The following BRIP1 variants were observed in gnomAD, a reference collection of about 807,000 sequenced individuals.
BRIP1 encodes Fanconi anemia group J protein.
BRIP1 carries 88 observed loss-of-function variants against 119.7 expected under a neutral mutation model. That is an observed-to-expected ratio of 0.74 (90% CI 0.62 to 0.88). The LOEUF (loss-of-function observed/expected upper bound fraction) is 0.88. BRIP1 is among the 40% of genes least tolerant of loss of function. The pLI, the probability that BRIP1 is intolerant of heterozygous loss-of-function variation, is 0.00. For synonymous variants in BRIP1, 443 were observed against 496.5 expected (o/e 0.89, Z 1.43); for missense variants, 1,259 against 1,455.4 (o/e 0.87, Z 2.20).
intron 6 of BRIP1, among the ~76,000 whole-genome samples, chr17:61,811,869 T>G (rs2078167493): frequency 6.6e-6 from 1 of 151,968 alleles, no homozygotes; most frequent in African/African-American, 2.4e-5. Flanking sequence ...GGTGAATCAC[T>G]TGAACCAGGG....
intron 3 of BRIP1, 130 bp downstream of exon 3, chr17:61,859,666 T>A: frequency 1.4e-6 from 1 of 691,298 alleles, no homozygotes; most frequent in Admixed American, 2.3e-5. Context: ...TATAACTTAT[T>A]TCAAAGAAAC....
intron 16 of BRIP1, among the ~76,000 whole-genome samples, chr17:61,718,302 C>G (rs948695684): frequency 9.9e-5 from 15 of 152,178 alleles, no homozygotes; most frequent in Non-Finnish European, 5.9e-5. Context: ...TAGGGAAAGT[C>G]AAGAGCAGCC....
In BRIP1 at chr17:61,679,742, G is replaced by C. The variant is rs1400835996; in HGVS notation, c.*3554C>G. 6.6e-6 allele frequency among the ~76,000 whole-genome samples: 1 copy of C among 152,096 alleles called. No individual in the cohort carries two copies. Among genetic ancestry groups the C allele is most frequent in the Non-Finnish European group, 1.5e-5 (1 of 68,014 alleles). On this transcript the variant is annotated 3_prime_UTR_variant, in exon 20 of 20. Transcript: ENST00000259008. This position sits in a 1 kb window ranked among gnomAD's most constrained non-coding sequence, Gnocchi z 4.4. The stretch of plus-strand genomic sequence containing the variant: ...TAATGAATAACTTGCAATGTGCCAG[G>C]TGCTCTTTTAAAAGCATTTAGATGT...
chr17:61,837,871 C>A (rs893974001), intron 6 of BRIP1, among the ~76,000 whole-genome samples: 6 of 152,038 alleles, frequency 3.9e-5, no homozygotes, highest in African/African-American at 1.4e-4. Flanking sequence ...CTGACACTAT[C>A]TTCCGACTTG....
At position 61,729,318 on chromosome 17, in the gene BRIP1, G is replaced by C. The variant is rs1233214384; in HGVS notation, c.2380-13255C>G. 6.6e-6 allele frequency among the ~76,000 whole-genome samples: 1 copy of C among 151,776 alleles called. No individual in the cohort carries two copies. Among genetic ancestry groups the C allele is most frequent in the South Asian group, 2.1e-4 (1 of 4,806 alleles). On this transcript the variant is annotated intron_variant, in intron 16 of 19. Coordinates refer to ENST00000259008, the MANE Select transcript of BRIP1 (RefSeq NM_032043.3). The surrounding 1 kb of genome is among the most constrained non-coding windows in gnomAD (Gnocchi z 5.6). ...ACAAAACAAACAAACAAACAAAAAAGAAAGGAAATCATTTGATTACAGTGA... is the reference window on the plus strand; with the variant it reads ...ACAAAACAAACAAACAAACAAAAAACAAAGGAAATCATTTGATTACAGTGA...
At chr17:61,820,429 G>T (rs1385018516) in intron 6 of BRIP1, among the ~76,000 whole-genome samples, 1 of 152,052 alleles carries the variant, frequency 6.6e-6, no homozygotes, top group Non-Finnish European at 1.5e-5. Flanking sequence ...CATAGTGCTG[G>T]TTTCTTCTAG....
At chr17:61,858,326 C>T (rs1041547586) in intron 3 of BRIP1, among the ~76,000 whole-genome samples, 3 of 151,790 alleles carry the variant, frequency 2.0e-5, no homozygotes, top group South Asian at 2.1e-4. Context: ...CCAAAATTAA[C>T]GTCAGTGAGA....
At chr17:61,702,486 T>C (rs1222553676) in intron 17 of BRIP1, among the ~76,000 whole-genome samples, 1 of 152,154 alleles carries the variant, frequency 6.6e-6, no homozygotes, top group East Asian at 1.9e-4. Flanking sequence ...TAGGCCCTGG[T>C]GTCTGTTGTT....
intron 16 of BRIP1, among the ~76,000 whole-genome samples, chr17:61,737,184 AAAAC>A (rs2076930056): frequency 1.3e-5 from 2 of 152,320 alleles, no homozygotes; most frequent in Non-Finnish European, 1.5e-5. Flanking sequence ...ATGACACAAG[AAAAC>A]AAATAGCTAC....
At position 61,744,150 on chromosome 17, in the gene BRIP1, C is replaced by A. The variant is rs1233419361; in HGVS notation, c.2257+282G>T. ...TAGTAAGGAATATATTTATATATAT[C>A]CTAACTGCCTTTTTGCACAAACTAT... On this transcript the variant is annotated intron_variant, in intron 15 of 19. Coordinates refer to ENST00000259008, the MANE Select transcript of BRIP1 (RefSeq NM_032043.3). This position sits in a 1 kb window ranked among gnomAD's most constrained non-coding sequence, Gnocchi z 5.0. Among the ~76,000 whole-genome samples the A allele has an allele frequency of 6.6e-6, 1 of 152,100 alleles. No individual in the cohort carries two copies. Among genetic ancestry groups the A allele is most frequent in the African/African-American group, 2.4e-5 (1 of 41,416 alleles).
rs1489335515 is a variant in BRIP1 at position 61,804,444 on chromosome 17, G to GTA, written c.919-2971_919-2970insTA. ...TGTGTGTGTGTGTGTGTGTGTGTGT[G>GTA]TGTATGTGTGTGTACATACACATAC... On this transcript the variant is annotated intron_variant, in intron 7 of 19. Transcript: ENST00000259008. This position sits in a 1 kb window ranked among gnomAD's most constrained non-coding sequence, Gnocchi z 4.5. Among the ~76,000 whole-genome samples, 8 of 131,394 alleles carry GTA rather than the reference G, an allele frequency of 6.1e-5. No individual in the cohort carries two copies. Among genetic ancestry groups the GTA allele is most frequent in the African/African-American group, 2.5e-4 (8 of 32,082 alleles). 86.2% of individuals were successfully genotyped at this position (131,394 alleles called of 152,430 possible). A position where few individuals can be genotyped will look rare whatever the true frequency, so the allele number is the denominator to read the frequency against.
At position 61,683,988 on chromosome 17, in the gene BRIP1, T is replaced by C. The variant is rs1064793073; in HGVS notation, c.3058A>G (p.Thr1020Ala). ...TTCTCTGATGACCCGAGCTCAGGTG[T>C]TGCCTTCGGTATTTTACCAGTAAAA... ...QYFTGKIPKA[T>A]PELGSSENSA... Residue 1020 changes from threonine to alanine, a missense_variant, in exon 20 of 20, where the codon ACA (threonine) becomes GCA (alanine). Transcript: ENST00000259008. This position sits in a 1 kb window ranked among gnomAD's most constrained non-coding sequence, Gnocchi z 4.7. The C allele has an allele frequency of 1.9e-6, 3 of 1,614,038 alleles. No homozygotes were observed. Among genetic ancestry groups the C allele is most frequent in the Non-Finnish European group, 2.5e-6 (3 of 1,180,024 alleles).
Position 61,769,484 on chromosome 17 carries a change from T to C in BRIP1, c.2097+6917A>G, listed in dbSNP as rs1603318613. Among the ~76,000 whole-genome samples the C allele has an allele frequency of 6.6e-6, 1 of 152,174 alleles. No homozygotes were observed. The highest frequency in any genetic ancestry group is 1.9e-4 in the East Asian group (1 of 5,198). Reference sequence around the variant, plus strand: ...TAATACATTTAATAACTGTAGTCACTGTACTATGTGAGAATTGACAACGGT... The same window carrying C: ...TAATACATTTAATAACTGTAGTCACCGTACTATGTGAGAATTGACAACGGT... On this transcript the variant is annotated intron_variant, in intron 14 of 19. Coordinates refer to ENST00000259008, the MANE Select transcript of BRIP1 (RefSeq NM_032043.3). This position sits in a 1 kb window ranked among gnomAD's most constrained non-coding sequence, Gnocchi z 4.9.
Position 61,804,952 on chromosome 17 carries a change from T to TTG in BRIP1, c.919-3479_919-3478insCA, listed in dbSNP as rs1448885914. Among the ~76,000 whole-genome samples the TTG allele has an allele frequency of 3.0e-5, 3 of 101,096 alleles. No homozygotes were observed. The highest frequency in any genetic ancestry group is 1.2e-4 in the African/African-American group (3 of 25,416). The allele number at this position is 101,096 out of a possible 152,430, so 66.3% of individuals were successfully genotyped here. A position where few individuals can be genotyped will look rare whatever the true frequency, so the allele number is the denominator to read the frequency against. On this transcript the variant is annotated intron_variant, in intron 7 of 19. Transcript: ENST00000259008. The surrounding 1 kb of genome is among the most constrained non-coding windows in gnomAD (Gnocchi z 4.5). ...AAGGCAGGATGAAATGTCTCTCTCT[T>TTG]TCTGTGTGTGTGTGTGTGTGTGTGT...
rs547472154 is a variant in BRIP1 at position 61,798,118 on chromosome 17, G to A, written c.1340+982C>T. Among the ~76,000 whole-genome samples, 1 of 151,940 alleles carries A rather than the reference G, an allele frequency of 6.6e-6. No homozygotes were observed. The highest frequency in any genetic ancestry group is 1.5e-5 in the Non-Finnish European group (1 of 67,824). On this transcript the variant is annotated intron_variant, in intron 9 of 19. Coordinates refer to ENST00000259008, the MANE Select transcript of BRIP1 (RefSeq NM_032043.3). The surrounding 1 kb of genome is among the most constrained non-coding windows in gnomAD (Gnocchi z 5.5). The stretch of plus-strand genomic sequence containing the variant: ...AGTTATTCATTATAGCAGTTTAAGA[G>A]CAAAAAACTAGAAACAACCTCCTCT...
At chr17:61,800,267 A>C (rs539487462) in intron 8 of BRIP1, among the ~76,000 whole-genome samples, 3 of 152,290 alleles carry the variant, frequency 2.0e-5, no homozygotes, top group East Asian at 3.9e-4. Flanking sequence ...ATTGTCAATG[A>C]GTTATTTTGA....
rs1452168513 is a variant in BRIP1, at chr17:61,709,338, CTTTATTATCATAGGATT to C, written c.2492+6596_2492+6612del. Among the ~76,000 whole-genome samples, 2 of 147,152 alleles carry C rather than the reference CTTTATTATCATAGGATT, an allele frequency of 1.4e-5. No homozygotes were observed. The highest frequency in any genetic ancestry group is 1.4e-4 in the Admixed American group (2 of 14,594). ...TATTGTAGGTTTGACATTTTCATTT[CTTTATTATCATAGGATT>C]TTGAGGGGGTGAAGAGTAACATAAA... On this transcript the variant is annotated intron_variant, in intron 17 of 19. Transcript: ENST00000259008. The surrounding 1 kb of genome is among the most constrained non-coding windows in gnomAD (Gnocchi z 5.0).
chr17:61,728,656 G>A (rs1431340645), intron 16 of BRIP1, among the ~76,000 whole-genome samples: 1 of 152,074 alleles, frequency 6.6e-6, no homozygotes, highest in African/African-American at 2.4e-5. Context: ...CAAGAAACAA[G>A]AGGAAGATCT....
chr17:61,850,920 A>C (rs1224956138), intron 4 of BRIP1, among the ~76,000 whole-genome samples: 2 of 151,784 alleles, frequency 1.3e-5, no homozygotes, highest in Non-Finnish European at 2.9e-5. Flanking sequence ...AAGTGTAGGA[A>C]TATTTTCTTC....
Sources: gnomAD v4.1 joint callset for allele counts (sites outside exome capture counted in the v4.1 genomes callset) on GRCh38, gnomAD v4.1.1 for gene constraint, Gnocchi (gnomAD v3.1) non-coding constraint, MANE v1.5 for transcripts, NCBI Gene and HGNC (gene_info 2026-07-23, HGNC 2026-07-21) for gene names.